Variants in TDRD12 observed in about 807,000 individuals in gnomAD.
The protein encoded by TDRD12 is tudor domain containing 12, also known as putative ATP-dependent RNA helicase TDRD12.
A neutral mutation model predicts 133.5 loss-of-function variants in TDRD12; 158 were observed. The ratio of observed to expected loss-of-function variants is 1.18; its 90% CI spans 1.04 to 1.35. The LOEUF (loss-of-function observed/expected upper bound fraction) is 1.35, where lower values mean the gene tolerates loss of function less well. Ranked by LOEUF, TDRD12 falls within the 40% of genes most tolerant of loss-of-function variation. TDRD12 has a pLI of 0.00. For synonymous variants in TDRD12, 460 were observed against 477.9 expected (o/e 0.96, Z 0.49); for missense variants, 1,443 against 1,321.3 (o/e 1.09, Z -1.43).
At chr19:32,768,660 G>A (rs927339014) in intron 8 of TDRD12, among the ~76,000 whole-genome samples, 11 of 151,920 alleles carry the variant, frequency 7.2e-5, no homozygotes, top group South Asian at 4.1e-4. Flanking sequence ...GCCACTGCAC[G>A]CTGAGACCTT....
chr19:32,784,144 A>G (rs1391389854), intron 11 of TDRD12, among the ~76,000 whole-genome samples: 1 of 152,056 alleles, frequency 6.6e-6, no homozygotes, highest in African/African-American at 2.4e-5. Context: ...ATAAATACCT[A>G]TTATGTTGAG....
intron 11 of TDRD12, among the ~76,000 whole-genome samples, chr19:32,778,506 A>T (rs1267938214): frequency 6.6e-6 from 1 of 151,712 alleles, no homozygotes; most frequent in Non-Finnish European, 1.5e-5. Context: ...TTATTTATTT[A>T]TTTTTTAATT....
intron 13 of TDRD12, among the ~76,000 whole-genome samples, chr19:32,793,930 GATTAC>G (rs1971144058): frequency 6.6e-6 from 1 of 150,920 alleles, no homozygotes; most frequent in Non-Finnish European, 1.5e-5. Context: ...ATGTAGCTAG[GATTAC>G]AGGTGCCTGA....
At position 32,829,285 on chromosome 19, in the gene TDRD12, G is replaced by A. The variant is rs546421137; in HGVS notation, c.*2119G>A. 6 of 152,340 alleles carry A rather than the reference G, an allele frequency of 3.9e-5. No individual in the cohort carries two copies. In the South Asian group the frequency reaches 1.0e-3, roughly 26 times the overall value. 9.4% of individuals were successfully genotyped at this position (152,340 alleles called of 1,614,324 possible). A position where few individuals can be genotyped will look rare whatever the true frequency, so the allele number is the denominator to read the frequency against. On this transcript the variant is annotated 3_prime_UTR_variant, in exon 10 of 10. Coordinates refer to the TDRD12 transcript ENST00000637289. The stretch of plus-strand genomic sequence containing the variant: ...GTGACAATGTGTTTCCTGTGCACTC[G>A]TGAAAATGCAGGGAGGACAACTGCA...
In TDRD12 at chr19:32,732,961, C is replaced by T. The variant is rs1291538477; in HGVS notation, c.183+1078C>T. Among the ~76,000 whole-genome samples the T allele has an allele frequency of 9.2e-5, 14 of 151,692 alleles. 1 individual carries two copies. The highest frequency in any genetic ancestry group is 9.2e-4 in the Admixed American group (14 of 15,226). On this transcript the variant is annotated intron_variant, in intron 2 of 27. Coordinates refer to ENST00000444215, the Ensembl canonical transcript of TDRD12. ...GCCAAGGAAAGAAGATTGCTTGAGC[C>T]TAGGAGTTTTGTGAACAGCCTGGGC...
chr19:32,815,348 G>A lies in TDRD12; in HGVS notation c.3142-100G>A. The A allele has an allele frequency of 1.1e-5, 11 of 998,906 alleles. No homozygotes were observed. In the South Asian group the frequency reaches 1.7e-4, roughly 15 times the overall value. 61.9% of individuals were successfully genotyped at this position (998,906 alleles called of 1,614,324 possible). On this transcript the variant is annotated intron_variant, in intron 25 of 27. Transcript: ENST00000444215. ...GCAAGCGCCGAAGTGCAGCCAACGT[G>A]GCAGGCTGAATGAACCAGAGAGGCC... is the stretch of plus-strand genomic sequence containing the variant.
chr19:32,744,299 G>A (rs1446875334), intron 4 of TDRD12, among the ~76,000 whole-genome samples: 1 of 150,868 alleles, frequency 6.6e-6, no homozygotes, highest in African/African-American at 2.4e-5. Flanking sequence ...TCAGGAGTTC[G>A]AGACCAGCCT....
At chr19:32,761,565 G>A (rs1970152252) in intron 8 of TDRD12, among the ~76,000 whole-genome samples, 1 of 152,206 alleles carries the variant, frequency 6.6e-6, no homozygotes, top group Non-Finnish European at 1.5e-5. Flanking sequence ...TAATAGGGGT[G>A]TAGTGGAATA....
At chr19:32,826,100 ACTTTAT>A, downstream of TDRD12, 1 of 1,535,758 alleles carries the variant, frequency 6.5e-7, no homozygotes. Context: ...TTGTGCAGAA[ACTTTAT>A]CTGGAAACAC....
intron 9 of TDRD12, 104 bp from the exon 33 acceptor site, chr19:32,827,060 C>G: frequency 1.9e-6 from 1 of 515,648 alleles, no homozygotes; most frequent in Non-Finnish European, 3.0e-6. Context: ...ATACATAGAG[C>G]TGGAACCCAA....
chr19:32,773,142 T>C (rs576153849), intron 9 of TDRD12, among the ~76,000 whole-genome samples: 11 of 152,370 alleles, frequency 7.2e-5, no homozygotes, highest in African/African-American at 1.9e-4. Flanking sequence ...TCCAGGGCAT[T>C]GTCCTAGTGA....
chr19:32,765,929 G>GTTT (rs1970285383), intron 8 of TDRD12, among the ~76,000 whole-genome samples: 1 of 150,858 alleles, frequency 6.6e-6, no homozygotes. Context: ...AAAAAAGAAT[G>GTTT]TTTATGTCCT....
intron 11 of TDRD12, among the ~76,000 whole-genome samples, chr19:32,780,722 C>T (rs75849361): frequency 0.013 from 2,040 of 152,072 alleles, 26 homozygotes; most frequent in Non-Finnish European, 0.022. Flanking sequence ...CACAGCACGG[C>T]TGCTTCTCTG....
chr19:32,804,887 T>C (rs1005678034), intron 21 of TDRD12, among the ~76,000 whole-genome samples: 1 of 151,130 alleles, frequency 6.6e-6, no homozygotes, highest in Non-Finnish European at 1.5e-5. Flanking sequence ...CAGAGCGAGA[T>C]TCCATCTCAA....
At position 32,811,194 on chromosome 19, in the gene TDRD12, C is replaced by G; in HGVS notation, c.2838-16C>G. ...CTGGAATCTCTGCGTTGAACCGATG[C>G]CCCATTGCTCTCCAGGGTTCAGGTG... On this transcript the variant is annotated splice_polypyrimidine_tract_variant and intron_variant, in intron 23 of 27. Coordinates refer to ENST00000444215, the Ensembl canonical transcript of TDRD12. The G allele has an allele frequency of 6.6e-7, 1 of 1,525,530 alleles. No individual in the cohort carries two copies. Among genetic ancestry groups the G allele is most frequent in the Non-Finnish European group, 8.8e-7 (1 of 1,137,782 alleles). The allele number at this position is 1,525,530 out of a possible 1,614,324, so 94.5% of individuals were successfully genotyped here.
At chr19:32,791,015 A>T in exon 13 of TDRD12, 1 of 1,536,200 alleles carries the variant, frequency 6.5e-7, no homozygotes, top group African/African-American at 1.4e-5. Flanking sequence ...CCGGAACAAG[A>T]TCAAGCCCTG....
At chr19:32,777,117 A>C in intron 10 of TDRD12, 32 bp from the exon 11 acceptor site, 1 of 1,455,666 alleles carries the variant, frequency 6.9e-7, no homozygotes, top group Non-Finnish European at 9.3e-7. Flanking sequence ...GCTGTTCACA[A>C]ATTTTAATGA....
Position 32,773,439 on chromosome 19 carries a change from A to C in TDRD12, c.964-17A>C. 6.4e-7 allele frequency: 1 copy of C among 1,551,042 alleles called. No individual in the cohort carries two copies. The highest frequency in any genetic ancestry group is 1.4e-5 in the African/African-American group (1 of 73,136). ...CTAGCATACACATTCTTTCTGAAGA[A>C]AAGTTTTCTTTTACAGCGTGTTGAA... On this transcript the variant is annotated splice_polypyrimidine_tract_variant and intron_variant, in intron 9 of 27. Coordinates refer to ENST00000444215, the Ensembl canonical transcript of TDRD12.
chr19:32,777,268 T>A, intron 11 of TDRD12, 39 bp downstream of exon 11: 1 of 1,174,612 alleles, frequency 8.5e-7, no homozygotes, highest in Non-Finnish European at 1.2e-6. Flanking sequence ...TGTATTGAAA[T>A]AATTATAATA....
Sources: allele counts gnomAD v4.1 joint callset (sites outside exome capture counted in the v4.1 genomes callset), GRCh38; gene constraint gnomAD v4.1.1; transcripts MANE v1.5; gene names NCBI Gene and HGNC (gene_info 2026-07-23, HGNC 2026-07-21).